The following TOX variants were observed in gnomAD, a reference collection of about 807,000 sequenced individuals.
TOX encodes the protein thymocyte selection-associated high mobility group box protein TOX.
In TOX, 11 loss-of-function variants were observed where a neutral mutation model predicts 53.7. The observed-to-expected ratio is 0.20, with a 90% CI of 0.13 to 0.34. TOX has a LOEUF of 0.34. TOX is among the 10% of genes least tolerant of loss of function. TOX has a pLI of 1.00. For missense variants in TOX, 570 were observed against 664.6 expected (o/e 0.86, Z 1.56); for synonymous variants, 225 against 245.3 (o/e 0.92, Z 0.77).
intron 1 of TOX, among the ~76,000 whole-genome samples, chr8:59,024,997 T>C (rs567668434): frequency 5.9e-5 from 9 of 152,176 alleles, no homozygotes; most frequent in Non-Finnish European, 1.2e-4. Flanking sequence ...CAGAAATCCC[T>C]TTATGCTTTA....
chr8:58,962,946 G>C (rs373773070), intron 1 of TOX, among the ~76,000 whole-genome samples: 6 of 152,288 alleles, frequency 3.9e-5, no homozygotes, highest in Admixed American at 6.5e-5. Context: ...GTTTCTGAGC[G>C]AGAATAACAT....
rs919400748 is a variant in TOX, at chr8:58,996,782, T to C, written c.103-36774A>G. Among the ~76,000 whole-genome samples the C allele has an allele frequency of 3.9e-5, 6 of 152,210 alleles. No homozygotes were observed. In the East Asian group the frequency reaches 9.6e-4, roughly 24 times the overall value. ...CTTCATTTAATTAAAACAGCAACAA[T>C]GCAATAGTCACACCAGTTTCCTTTG... On this transcript the variant is annotated intron_variant, in intron 1 of 8. Transcript: ENST00000361421.
intron 1 of TOX, among the ~76,000 whole-genome samples, chr8:59,021,463 CAA>C (rs148800261): frequency 1.7e-4 from 12 of 69,688 alleles, no homozygotes; most frequent in South Asian, 4.5e-4. Context: ...TTTCTACAAG[CAA>C]AAAAAAAAAA....
chr8:59,089,082 TG>T (rs1471039197), intron 1 of TOX, among the ~76,000 whole-genome samples: 1 of 152,224 alleles, frequency 6.6e-6, no homozygotes, highest in African/African-American at 2.4e-5. Context: ...AAGATCTTAA[TG>T]AACCTTAACC....
chr8:59,044,267 A>G (rs1359423876), intron 1 of TOX, among the ~76,000 whole-genome samples: 1 of 151,306 alleles, frequency 6.6e-6, no homozygotes, highest in Non-Finnish European at 1.5e-5. Flanking sequence ...AGCCACCAAC[A>G]CTGTGTGAAG....
At chr8:58,894,379 G>A (rs1563381770) in intron 3 of TOX, among the ~76,000 whole-genome samples, 3 of 152,170 alleles carry the variant, frequency 2.0e-5, no homozygotes, top group Middle Eastern at 3.2e-3. Context: ...TGCCATCTAT[G>A]GTTAGTAAGA....
intron 1 of TOX, among the ~76,000 whole-genome samples, chr8:59,005,222 TA>T (rs1813767441): frequency 6.6e-6 from 1 of 152,112 alleles, no homozygotes; most frequent in African/African-American, 2.4e-5. Context: ...GTATTTTTAG[TA>T]GAGACGGGGT....
chr8:58,908,429 G>A (rs1235160400), intron 3 of TOX, among the ~76,000 whole-genome samples: 2 of 152,128 alleles, frequency 1.3e-5, no homozygotes, highest in Non-Finnish European at 2.9e-5. Flanking sequence ...TTACCTCTGT[G>A]CCTTTTTCCA....
rs1017247032 is a variant in TOX at position 58,902,912 on chromosome 8, T to C, written c.411+36390A>G. ...GAAAAATGCCAGCTCTACCAGTTCT[T>C]GGTAAATGTCATCCCTATTACAAAG... is the stretch of plus-strand genomic sequence containing the variant. On this transcript the variant is annotated intron_variant, in intron 3 of 8. Transcript: ENST00000361421. Among the ~76,000 whole-genome samples, 16 of 152,232 alleles carry C rather than the reference T, an allele frequency of 1.1e-4. 1 individual carries two copies. Among genetic ancestry groups the C allele is most frequent in the Admixed American group, 9.8e-4 (15 of 15,282 alleles).
At chr8:59,071,270 C>T (rs1032643104) in intron 1 of TOX, among the ~76,000 whole-genome samples, 4 of 152,080 alleles carry the variant, frequency 2.6e-5, no homozygotes, top group Non-Finnish European at 5.9e-5. Flanking sequence ...AAGACACATA[C>T]TTAGGGTGAC....
chr8:58,911,921 C>T lies in TOX; in HGVS notation c.411+27381G>A, dbSNP rs568791417. Among the ~76,000 whole-genome samples the T allele has an allele frequency of 1.2e-4, 19 of 152,224 alleles. No homozygotes were observed. The South Asian group carries it at 2.9e-3, about 23-fold the overall frequency. The stretch of plus-strand genomic sequence containing the variant: ...TTCTCCATGTTGGTCAGGCTGGTCT[C>T]GAACTCCTAACCTCAGGAGATCTGC... On this transcript the variant is annotated intron_variant, in intron 3 of 8. Coordinates refer to ENST00000361421, the MANE Select transcript of TOX (RefSeq NM_014729.3).
At chr8:58,909,535 C>T (rs1456071190) in intron 3 of TOX, among the ~76,000 whole-genome samples, 2 of 152,112 alleles carry the variant, frequency 1.3e-5, no homozygotes, top group African/African-American at 4.8e-5. Flanking sequence ...GTAACCTAGG[C>T]CTAACCTCCC....
intron 1 of TOX, among the ~76,000 whole-genome samples, chr8:59,023,514 G>A (rs1397414517): frequency 6.6e-6 from 1 of 152,058 alleles, no homozygotes; most frequent in East Asian, 1.9e-4. Flanking sequence ...CTCATCATAG[G>A]AGACTCAGTC....
chr8:59,102,695 G>A (rs1804827330), intron 1 of TOX, among the ~76,000 whole-genome samples: 1 of 152,114 alleles, frequency 6.6e-6, no homozygotes, highest in Non-Finnish European at 1.5e-5. Context: ...GGGACACAGA[G>A]CCAAACCATA....
chr8:59,054,918 A>C (rs1337282987), intron 1 of TOX, among the ~76,000 whole-genome samples: 4 of 146,884 alleles, frequency 2.7e-5, no homozygotes, highest in African/African-American at 7.4e-5. Context: ...AAGAAAGAGA[A>C]AGAAAGAAAG....
chr8:58,905,055 C>G (rs1811790088), intron 3 of TOX, among the ~76,000 whole-genome samples: 1 of 152,168 alleles, frequency 6.6e-6, no homozygotes, highest in African/African-American at 2.4e-5. Flanking sequence ...GCCTCAGCCT[C>G]CTGAGTAGCT....
chr8:58,867,998 T>C (rs1162910333), intron 3 of TOX, among the ~76,000 whole-genome samples: 1 of 152,104 alleles, frequency 6.6e-6, no homozygotes, highest in Non-Finnish European at 1.5e-5. Flanking sequence ...CCAAATCTCA[T>C]GTTGAATTGT....
At chr8:59,056,535 G>C (rs1286334895) in intron 1 of TOX, among the ~76,000 whole-genome samples, 2 of 150,714 alleles carry the variant, frequency 1.3e-5, no homozygotes, top group Non-Finnish European at 3.0e-5. Context: ...TTAGTAAAAT[G>C]TTTGAAACTA....
rs539918142 is a variant in TOX at position 59,050,156 on chromosome 8, G to A, written c.102+68730C>T. ...AATATAGGAGAGCTTGGAATTTCAC[G>A]CATTGTGACAATTTATTGCAACTTT... is the stretch of plus-strand genomic sequence containing the variant. On this transcript the variant is annotated intron_variant, in intron 1 of 8. Coordinates refer to ENST00000361421, the MANE Select transcript of TOX (RefSeq NM_014729.3). Among the ~76,000 whole-genome samples, 11 of 152,186 alleles carry A rather than the reference G, an allele frequency of 7.2e-5. No individual in the cohort carries two copies. In the East Asian group the frequency reaches 2.1e-3, roughly 29 times the overall value.
Sources: allele counts gnomAD v4.1 joint callset (sites outside exome capture counted in the v4.1 genomes callset), GRCh38; gene constraint gnomAD v4.1.1; transcripts MANE v1.5; gene names NCBI Gene and HGNC (gene_info 2026-07-23, HGNC 2026-07-21).